Variants in DEDD2 observed in about 807,000 individuals in gnomAD.
DEDD2 encodes the protein death effector domain containing 2, also known as DNA-binding death effector domain-containing protein 2.
A neutral mutation model predicts 28.9 loss-of-function variants in DEDD2; 18 were observed. That is an observed-to-expected ratio of 0.62 (90% CI 0.43 to 0.92). DEDD2 has a LOEUF of 0.92. Ranked by LOEUF, DEDD2 falls within the 40% of genes least tolerant of loss-of-function variation. The probability of loss-of-function intolerance (pLI) is 0.00; values close to 1 mark genes in which losing one functional copy is unlikely to be tolerated. For missense variants in DEDD2, 411 were observed against 463.3 expected, an observed-to-expected ratio of 0.89 and a Z score of 1.04; for synonymous variants, 211 against 206.1, an observed-to-expected ratio of 1.02 and a Z score of -0.20.
In DEDD2 at chr19:42,199,497, G is replaced by A. The variant is rs1341783092; in HGVS notation, c.922C>T (p.Arg308Trp). The A allele has an allele frequency of 5.0e-6, 8 of 1,613,276 alleles. No homozygotes were observed. The highest frequency in any genetic ancestry group is 2.2e-5 in the East Asian group (1 of 44,866). The change falls in exon 5 of 5, where the codon CGG becomes TGG. Residue 308 changes from arginine to tryptophan, a missense_variant. Coordinates refer to ENST00000596251, the MANE Select transcript of DEDD2 (RefSeq NM_133328.4). This position sits in a 1 kb window ranked among gnomAD's most constrained non-coding sequence, Gnocchi z 7.4. Reference protein sequence around the residue: ...SVDEADYEAGRRRLLLMEEEG... With the variant: ...SVDEADYEAGWRRLLLMEEEG... ...TCCTCCATCAGCAACAGGCGGCGCC[G>A]GCCAGCCTCATAGTCAGCCTCATCC...
chr19:42,212,267 G>A (rs922860090), intron 3 of DEDD2, among the ~76,000 whole-genome samples: 4 of 151,960 alleles, frequency 2.6e-5, no homozygotes, highest in African/African-American at 9.7e-5. Flanking sequence ...TCAGGAGGCT[G>A]AGGCAGGAGG....
chr19:42,215,691 G>T (rs2035939727), intron 2 of DEDD2, among the ~76,000 whole-genome samples: 1 of 151,942 alleles, frequency 6.6e-6, no homozygotes, highest in Non-Finnish European at 1.5e-5. Flanking sequence ...AAATCCTGTG[G>T]GCTTACTCTG....
At chr19:42,215,402 C>T in intron 2 of DEDD2, 150 bp from the exon 3 acceptor site, 1 of 923,828 alleles carries the variant, frequency 1.1e-6, no homozygotes, top group Non-Finnish European at 1.6e-6. Context: ...GCAGAGGTTG[C>T]TCAGATGCCT....
At chr19:42,214,793 G>A (rs1223164532) in intron 3 of DEDD2, among the ~76,000 whole-genome samples, 1 of 152,062 alleles carries the variant, frequency 6.6e-6, no homozygotes, top group Non-Finnish European at 1.5e-5. Flanking sequence ...AACAAAAACT[G>A]GGGGTGGTGA....
At chr19:42,215,000 A>AACACAC (rs35862480) in intron 3 of DEDD2, 133 bp downstream of exon 3, 221 of 1,041,486 alleles carry the variant, frequency 2.1e-4, no homozygotes, top group Middle Eastern at 3.3e-4. Context: ...TGTAGCAATA[A>AACACAC]ACACACACAC....
chr19:42,216,956 G>C lies in DEDD2; in HGVS notation c.52C>G (p.Leu18Val). 2 of 1,602,426 alleles carry C rather than the reference G, an allele frequency of 1.2e-6. No individual in the cohort carries two copies. The highest frequency in any genetic ancestry group is 1.7e-6 in the Non-Finnish European group (2 of 1,175,012). Reference protein sequence around the residue: ...PAPCWEEDECLDYYGMLSLHR... With the variant: ...PAPCWEEDECVDYYGMLSLHR... ...AGCGACAGCATCCCGTAGTAGTCCA[G>C]GCACTCATCCTCCTCCCAGCACGGG... Residue 18 changes from leucine to valine, a missense_variant, in exon 2 of 5, where the codon CTG becomes GTG. Around this residue, in one of 2 missense-constraint regions of DEDD2, gnomAD observed 282 missense variants for 273.4 expected, o/e 1.03. Coordinates refer to ENST00000596251, the MANE Select transcript of DEDD2 (RefSeq NM_133328.4).
At chr19:42,207,573 T>C (rs535253253) in intron 4 of DEDD2, among the ~76,000 whole-genome samples, 11 of 152,276 alleles carry the variant, frequency 7.2e-5, no homozygotes, top group African/African-American at 2.6e-4. Flanking sequence ...AGGGCACTTG[T>C]CACTAGCTGA....
upstream of DEDD2, chr19:42,220,094 C>G (rs1214978482): frequency 6.6e-6 from 1 of 152,292 alleles, no homozygotes; most frequent in Non-Finnish European, 1.5e-5. Context: ...CCGAGTTTCT[C>G]TACAGAACTT....
rs533206422 is a variant in DEDD2 at position 42,216,864 on chromosome 19, C to T, written c.144G>A (p.Leu48=). The T allele has an allele frequency of 1.5e-4, 241 of 1,594,508 alleles. No homozygotes were observed. In the South Asian group the frequency reaches 2.6e-3, roughly 17 times the overall value. ...TECELELLAF[L]LDEAPGAAGG... ...CGGCGGCGCCAGGAGCCTCATCCAG[C>T]AGAAAGGCCAGGAGCTCCAGCTCGC... The change falls in exon 2 of 5, where the codon CTG becomes CTA. Residue 48 remains leucine, a synonymous_variant. Transcript: ENST00000596251.
Position 42,210,400 on chromosome 19 carries a change from CT to C in DEDD2, c.449-561del, listed in dbSNP as rs57068010. 6.8e-3 allele frequency among the ~76,000 whole-genome samples: 1,022 copies of C among 149,740 alleles called. 14 individuals are homozygous for C. The highest frequency in any genetic ancestry group is 0.024 in the African/African-American group (973 of 40,914). ...GACATGTCTAAAAATACTTTTCATA[CT>C]TTTTTTTTTGAGACCGAGTTTCGCT... On this transcript the variant is annotated intron_variant, in intron 3 of 4. Transcript: ENST00000596251.
At chr19:42,206,687 C>G (rs1310420637) in intron 4 of DEDD2, among the ~76,000 whole-genome samples, 1 of 152,170 alleles carries the variant, frequency 6.6e-6, no homozygotes, top group Non-Finnish European at 1.5e-5. Context: ...CTAGGACCAC[C>G]AAGGTGTCCT....
Position 42,216,599 on chromosome 19 carries a change from C to G in DEDD2, c.328+81G>C, listed in dbSNP as rs1237853896. On this transcript the variant is annotated intron_variant, in intron 2 of 4. Coordinates refer to ENST00000596251, the MANE Select transcript of DEDD2 (RefSeq NM_133328.4). ...ATAAGCTGCCTGATATGGCACTGTC[C>G]GTATCAGGGCACCAGGGAGGCCCAG... 11 of 1,383,094 alleles carry G rather than the reference C, an allele frequency of 8.0e-6. No individual in the cohort carries two copies. The South Asian group carries it at 1.1e-4, about 14-fold the overall frequency. The allele number at this position is 1,383,094 out of a possible 1,614,324, so 85.7% of individuals were successfully genotyped here. A position where few individuals can be genotyped will look rare whatever the true frequency, so the allele number is the denominator to read the frequency against.
chr19:42,204,197 T>C (rs1460204268), intron 4 of DEDD2, among the ~76,000 whole-genome samples: 1 of 151,584 alleles, frequency 6.6e-6, no homozygotes, highest in Non-Finnish European at 1.5e-5. Context: ...CTGGGCTGGG[T>C]GTGTCTGGGA....
At chr19:42,201,198 T>C (rs780446014) in intron 4 of DEDD2, among the ~76,000 whole-genome samples, 11 of 152,192 alleles carry the variant, frequency 7.2e-5, no homozygotes, top group African/African-American at 2.2e-4. Flanking sequence ...GGCCAGACAA[T>C]GGCAGTGCCT....
In DEDD2 at chr19:42,216,812, G is replaced by A. The variant is rs1166494367; in HGVS notation, c.196C>T (p.Leu66=). ...AGGLARARSG[L]ELLLELERRG... ...CGCTCCAGCTCCAGCAGGAGCTCTA[G>A]GCCGCTGCGGGCCCGGGCTAAGCCT... The change falls in exon 2 of 5, where the codon CTA becomes TTA. Residue 66 remains leucine, a synonymous_variant. Coordinates refer to ENST00000596251, the MANE Select transcript of DEDD2 (RefSeq NM_133328.4). 6.3e-7 allele frequency: 1 copy of A among 1,581,846 alleles called. No homozygotes were observed. The highest frequency in any genetic ancestry group is 1.1e-5 in the South Asian group (1 of 87,542).
rs753815828 is a variant in DEDD2, at chr19:42,199,446, CCT to C, written c.971_972del (p.Glu324GlyfsTer10). 1.5e-5 allele frequency: 24 copies of C among 1,603,348 alleles called. No individual in the cohort carries two copies. The East Asian group carries it at 5.4e-4, about 36-fold the overall frequency. On this transcript the variant is annotated frameshift_variant, in exon 5 of 5. Coordinates refer to ENST00000596251, the MANE Select transcript of DEDD2 (RefSeq NM_133328.4). LOFTEE classifies it high-confidence loss of function. This position sits in a 1 kb window ranked among gnomAD's most constrained non-coding sequence, Gnocchi z 7.4. The stretch of plus-strand genomic sequence containing the variant: ...ATCCTGCCAGTCCTGGATCAGGAGG[CCT>C]CTGTCGGGCGCCGCCCCCCTTCCTC... ...MEEEGGRRPT[E>X]AS is the part of the protein sequence containing the mutation.
intron 4 of DEDD2, among the ~76,000 whole-genome samples, chr19:42,202,816 A>G (rs1329217896): frequency 6.6e-6 from 1 of 152,214 alleles, no homozygotes; most frequent in Non-Finnish European, 1.5e-5. Flanking sequence ...GCTGGAAAAC[A>G]TGATCATGGT....
intron 4 of DEDD2, chr19:42,202,118 C>A (rs1216183702): frequency 2.8e-5 from 11 of 398,544 alleles, no homozygotes; most frequent in Non-Finnish European, 4.0e-5. Flanking sequence ...ATTGAAGTCA[C>A]AAGGATTAAA....
intron 4 of DEDD2, among the ~76,000 whole-genome samples, chr19:42,203,010 G>T (rs1000684775): frequency 1.2e-4 from 19 of 152,154 alleles, no homozygotes; most frequent in African/African-American, 4.6e-4. Flanking sequence ...CACATCTGCT[G>T]ACCCCTTTGA....
Sources: gnomAD v4.1 joint callset for allele counts (sites outside exome capture counted in the v4.1 genomes callset) on GRCh38, gnomAD v4.1.1 for gene constraint, gnomAD v4.1.1 regional missense constraint, Gnocchi (gnomAD v3.1) non-coding constraint, MANE v1.5 for transcripts, NCBI Gene and HGNC (gene_info 2026-07-23, HGNC 2026-07-21) for gene names.